Variants in DENND1A observed in about 807,000 individuals in gnomAD.
The protein encoded by DENND1A is DENN domain-containing protein 1A.
Under a neutral mutation model 113.7 loss-of-function variants are expected in DENND1A, and 51 were observed. The observed-to-expected ratio is 0.45, with a 90% confidence interval of 0.36 to 0.57. The LOEUF (loss-of-function observed/expected upper bound fraction) is 0.57, where lower values mean the gene tolerates loss of function less well. DENND1A is among the 20% of genes least tolerant of loss of function. The pLI, the probability that DENND1A is intolerant of heterozygous loss-of-function variation, is 0.00. For missense variants in DENND1A, 1,258 were observed against 1,395.9 expected (o/e 0.90, Z 1.57); for synonymous variants, 565 against 570.8 (o/e 0.99, Z 0.14).
chr9:123,642,258 C>T (rs2062070157), intron 9 of DENND1A, among the ~76,000 whole-genome samples: 1 of 152,166 alleles, frequency 6.6e-6, no homozygotes, highest in African/African-American at 2.4e-5. Context: ...CCAGAGAATG[C>T]CCGTATAAGT....
At chr9:123,749,861 G>A (rs1052413411) in intron 5 of DENND1A, among the ~76,000 whole-genome samples, 2 of 152,176 alleles carry the variant, frequency 1.3e-5, no homozygotes, top group Non-Finnish European at 2.9e-5. Flanking sequence ...GAAGTGTTCT[G>A]TTTCCAAAAC....
chr9:123,671,707 C>T (rs1186811475), intron 6 of DENND1A, among the ~76,000 whole-genome samples: 1 of 152,098 alleles, frequency 6.6e-6, no homozygotes, highest in Non-Finnish European at 1.5e-5. Context: ...TCCTAGCTTA[C>T]AGGGCGGGGG....
intron 19 of DENND1A, among the ~76,000 whole-genome samples, chr9:123,431,813 A>G (rs1009944645): frequency 2.1e-4 from 32 of 152,178 alleles, no homozygotes; most frequent in African/African-American, 6.7e-4. Context: ...CACTACTCTT[A>G]GGCCATCCCA....
At chr9:123,491,459 T>A (rs904408754) in intron 13 of DENND1A, among the ~76,000 whole-genome samples, 1 of 152,212 alleles carries the variant, frequency 6.6e-6, no homozygotes, top group African/African-American at 2.4e-5. Context: ...AGTGGCTGGA[T>A]ACCCGCATTG....
chr9:123,428,466 G>C (rs902305354), intron 19 of DENND1A, among the ~76,000 whole-genome samples: 44 of 152,244 alleles, frequency 2.9e-4, no homozygotes, highest in African/African-American at 9.9e-4. Flanking sequence ...GCAAACACTG[G>C]TAACATTCCC....
At chr9:123,606,460 C>T (rs1032536804) in intron 11 of DENND1A, among the ~76,000 whole-genome samples, 1 of 152,230 alleles carries the variant, frequency 6.6e-6, no homozygotes, top group African/African-American at 2.4e-5. Context: ...AAGAGACCTG[C>T]ACCCATTCAT....
chr9:123,534,719 T>C (rs1390322434), intron 13 of DENND1A, among the ~76,000 whole-genome samples: 1 of 152,248 alleles, frequency 6.6e-6, no homozygotes, highest in Non-Finnish European at 1.5e-5. Context: ...TCCTTGATTA[T>C]CAGTTGAGTG....
intron 10 of DENND1A, among the ~76,000 whole-genome samples, chr9:123,622,000 T>C (rs2060987532): frequency 2.0e-5 from 3 of 152,144 alleles, no homozygotes. Flanking sequence ...GAAACTAGCA[T>C]CTCTCAGAGA....
intron 13 of DENND1A, among the ~76,000 whole-genome samples, chr9:123,541,342 C>T (rs2056274024): frequency 6.6e-6 from 1 of 152,104 alleles, no homozygotes; most frequent in Non-Finnish European, 1.5e-5. Context: ...TTTTCCTACC[C>T]CTACTTCTTT....
intron 13 of DENND1A, among the ~76,000 whole-genome samples, chr9:123,466,086 C>T (rs1277182046): frequency 1.3e-5 from 2 of 152,128 alleles, no homozygotes; most frequent in African/African-American, 2.4e-5. Flanking sequence ...CTACAAGCTC[C>T]ACCTCAGGTT....
chr9:123,821,284 A>C (rs1486494477), intron 2 of DENND1A, among the ~76,000 whole-genome samples: 1 of 152,206 alleles, frequency 6.6e-6, no homozygotes, highest in African/African-American at 2.4e-5. Context: ...AAGTAACAGG[A>C]AATATCTGAG....
chr9:123,718,237 A>G (rs552570736), intron 5 of DENND1A, among the ~76,000 whole-genome samples: 1 of 152,216 alleles, frequency 6.6e-6, no homozygotes, highest in Admixed American at 6.5e-5. Flanking sequence ...CTAATGTAAA[A>G]TGCATTAGTG....
chr9:123,737,085 G>T (rs966312563), intron 5 of DENND1A, among the ~76,000 whole-genome samples: 3 of 152,172 alleles, frequency 2.0e-5, no homozygotes, highest in Non-Finnish European at 4.4e-5. Flanking sequence ...AGTTAATCCT[G>T]CCTGGGTTAA....
Position 123,769,152 on chromosome 9 carries a change from C to T in DENND1A, c.182+362G>A, listed in dbSNP as rs137897247. On this transcript the variant is annotated intron_variant, in intron 4 of 23. Coordinates refer to ENST00000394215, the MANE Select transcript of DENND1A (RefSeq NM_001352964.2). ...AAAACAAAGTCTATATAATACAAAA[C>T]GTTGGAATCAAGTAATATTACTTGT... Among the ~76,000 whole-genome samples, 1,155 of 152,130 alleles carry T rather than the reference C, an allele frequency of 7.6e-3. 20 individuals are homozygous for T. Among genetic ancestry groups the T allele is most frequent in the African/African-American group, 0.026 (1,071 of 41,528 alleles).
At chr9:123,745,280 C>A (rs1263910485) in intron 5 of DENND1A, among the ~76,000 whole-genome samples, 1 of 152,208 alleles carries the variant, frequency 6.6e-6, no homozygotes, top group African/African-American at 2.4e-5. Context: ...TCTCTCACAA[C>A]TCCAGGGACT....
At chr9:123,407,323 C>T (rs1215710216) in intron 20 of DENND1A, among the ~76,000 whole-genome samples, 3 of 152,096 alleles carry the variant, frequency 2.0e-5, no homozygotes, top group African/African-American at 7.2e-5. Context: ...CAAAATTACA[C>T]TCACAGACCT....
chr9:123,577,642 A>C (rs75102362), intron 12 of DENND1A, among the ~76,000 whole-genome samples: 4,917 of 152,288 alleles, frequency 0.032, 123 homozygotes, highest in Non-Finnish European at 0.055. Context: ...TTTCTTGCAC[A>C]TCAGATTGAT....
chr9:123,728,505 A>AC lies in DENND1A; in HGVS notation c.302+29197_302+29198insG, dbSNP rs1564150230. ...AAAAAAAAAAAAAAAAAAAAAAAAA[A>AC]AAAAACAGGCATCAGTCATCTTTAC... On this transcript the variant is annotated intron_variant, in intron 5 of 23. Coordinates refer to ENST00000394215, the MANE Select transcript of DENND1A (RefSeq NM_001352964.2). Among the ~76,000 whole-genome samples, 315 of 147,152 alleles carry AC rather than the reference A, an allele frequency of 2.1e-3. 14 individuals carry two copies. The highest frequency in any genetic ancestry group is 8.0e-3 in the African/African-American group (306 of 38,420).
intron 19 of DENND1A, among the ~76,000 whole-genome samples, chr9:123,429,582 A>G (rs1293739790): frequency 6.6e-6 from 1 of 152,048 alleles, no homozygotes; most frequent in East Asian, 1.9e-4. Flanking sequence ...AAAACCCAAA[A>G]AGCAATGGGG....
Sources: allele counts gnomAD v4.1 joint callset (sites outside exome capture counted in the v4.1 genomes callset), GRCh38; gene constraint gnomAD v4.1.1; transcripts MANE v1.5; gene names NCBI Gene and HGNC (gene_info 2026-07-23, HGNC 2026-07-21).